UBXN2B: variants seen among roughly 807,000 people sequenced by gnomAD.
The protein encoded by UBXN2B is UBX domain-containing protein 2B.
UBXN2B carries 19 observed loss-of-function variants against 37.5 expected under a neutral mutation model. The ratio of observed to expected loss-of-function variants is 0.51; its 90% confidence interval spans 0.35 to 0.74. The LOEUF is 0.74. UBXN2B is among the 30% of genes least tolerant of loss of function. The pLI is 0.01. For synonymous variants in UBXN2B, 145 were observed against 143.8 expected (o/e 1.01, Z -0.06); for missense variants, 370 against 393.2 (o/e 0.94, Z 0.50).
chr8:58,437,603 G>A (rs1002447747), intron 5 of UBXN2B, among the ~76,000 whole-genome samples: 7 of 151,972 alleles, frequency 4.6e-5, no homozygotes, highest in Admixed American at 1.3e-4. Context: ...GATTACAGGC[G>A]TAAGCCACCA....
In UBXN2B at chr8:58,425,791, A is replaced by G; in HGVS notation, c.189-4728A>G. 6 of 1,177,652 alleles carry G rather than the reference A, an allele frequency of 5.1e-6. No homozygotes were observed. The South Asian group carries it at 7.3e-5, about 14-fold the overall frequency. The allele number at this position is 1,177,652 out of a possible 1,614,324, so 73.0% of individuals were successfully genotyped here. A position where few individuals can be genotyped will look rare whatever the true frequency, so the allele number is the denominator to read the frequency against. On this transcript the variant is annotated intron_variant, in intron 2 of 7. Coordinates refer to ENST00000399598, the MANE Select transcript of UBXN2B (RefSeq NM_001077619.2). ...GATTCTTCTTGTAATGTTCCACAAGATCTGTCAAAGAATCATACCGTTCTC... is the reference window on the plus strand; with the variant it reads ...GATTCTTCTTGTAATGTTCCACAAGGTCTGTCAAAGAATCATACCGTTCTC...
rs1585623958 is a variant in UBXN2B, at chr8:58,448,453, C to T, written c.*902C>T. On this transcript the variant is annotated 3_prime_UTR_variant, in exon 8 of 8. Transcript: ENST00000399598. The stretch of plus-strand genomic sequence containing the variant: ...CCTCCCAAAGTGCTGGGATTACAGG[C>T]ATGAGCCACCACGCCCAGCCTAAAG... 2 of 152,226 alleles carry T rather than the reference C, an allele frequency of 1.3e-5. No homozygotes were observed. Among genetic ancestry groups the T allele is most frequent in the South Asian group, 4.1e-4 (2 of 4,830 alleles). 9.4% of individuals were successfully genotyped at this position (152,226 alleles called of 1,614,324 possible). A position where few individuals can be genotyped will look rare whatever the true frequency, so the allele number is the denominator to read the frequency against.
At chr8:58,441,348 C>CATATATATATATATATATATGTATGTGT in intron 6 of UBXN2B, among the ~76,000 whole-genome samples, 1 of 104,662 alleles carries the variant, frequency 9.6e-6, no homozygotes, top group Non-Finnish European at 2.0e-5. Context: ...TTGTGATCAA[C>CATATATATATATATATATATGTATGTGT]ATATATATAT....
At chr8:58,434,565 C>T in intron 5 of UBXN2B, 61 bp downstream of exon 5, 1 of 1,220,214 alleles carries the variant, frequency 8.2e-7, no homozygotes, top group Non-Finnish European at 1.1e-6. Context: ...TCTTAACAGA[C>T]TACTCATTAT....
At chr8:58,435,636 CAAAG>C (rs993808780) in intron 5 of UBXN2B, among the ~76,000 whole-genome samples, 146 of 152,128 alleles carry the variant, frequency 9.6e-4, no homozygotes, top group African/African-American at 3.0e-3. Flanking sequence ...ATAGTGGAAA[CAAAG>C]AACATATTGA....
rs556640968 is a variant in UBXN2B at position 58,443,739 on chromosome 8, C to CAG, written c.672-2165_672-2164dup. Among the ~76,000 whole-genome samples the CAG allele has an allele frequency of 6.6e-5, 10 of 152,078 alleles. No individual in the cohort carries two copies. The East Asian group carries it at 1.5e-3, about 23-fold the overall frequency. ...AGGAGAATCACTTGAACTCAGGAGG[C>CAG]AGAGGTTGCAGTGAGCTGAGATCAC... is the stretch of plus-strand genomic sequence containing the variant. On this transcript the variant is annotated intron_variant, in intron 6 of 7. Transcript: ENST00000399598.
chr8:58,418,622 AT>A (rs1242338975), intron 2 of UBXN2B, among the ~76,000 whole-genome samples: 1 of 152,188 alleles, frequency 6.6e-6, no homozygotes, highest in Non-Finnish European at 1.5e-5. Context: ...AGGAGTCATA[AT>A]TTCAGGATTT....
chr8:58,420,004 T>G (rs1183631264), intron 2 of UBXN2B, among the ~76,000 whole-genome samples: 1 of 152,238 alleles, frequency 6.6e-6, no homozygotes, highest in African/African-American at 2.4e-5. Flanking sequence ...ATGTAGCCAG[T>G]TGCGGATACA....
rs1808774733 is a variant in UBXN2B, at chr8:58,450,277, TA to T, written c.*2728del. ...ATCTACCTCTTTCCACATTTTACTA[TA>T]ATCAGCAAGAAGACAGCAGGCTGTA... On this transcript the variant is annotated 3_prime_UTR_variant, in exon 8 of 8. Coordinates refer to ENST00000399598, the MANE Select transcript of UBXN2B (RefSeq NM_001077619.2). The T allele has an allele frequency of 6.6e-6, 1 of 152,180 alleles. No individual in the cohort carries two copies. The highest frequency in any genetic ancestry group is 6.5e-5 in the Admixed American group (1 of 15,274). 9.4% of individuals were successfully genotyped at this position (152,180 alleles called of 1,614,324 possible).
At chr8:58,419,865 A>G (rs768013007) in intron 2 of UBXN2B, among the ~76,000 whole-genome samples, 3 of 152,240 alleles carry the variant, frequency 2.0e-5, no homozygotes, top group Admixed American at 6.5e-5. Context: ...GACCTGTGCT[A>G]TTGCACAAGG....
chr8:58,436,182 G>A (rs1197806065), intron 5 of UBXN2B, among the ~76,000 whole-genome samples: 2 of 152,188 alleles, frequency 1.3e-5, no homozygotes, highest in African/African-American at 4.8e-5. Context: ...GAGGTTGTCA[G>A]CTTAATTACT....
chr8:58,433,405 A>T (rs1808333251), intron 4 of UBXN2B, among the ~76,000 whole-genome samples, 162 bp downstream of exon 4: 1 of 152,178 alleles, frequency 6.6e-6, no homozygotes, highest in Admixed American at 6.5e-5. Context: ...CTCGATCTTT[A>T]TGTTTTGTAT....
At chr8:58,446,757 C>G (rs778158646) in intron 7 of UBXN2B, among the ~76,000 whole-genome samples, 7 of 112,738 alleles carry the variant, frequency 6.2e-5, no homozygotes, top group Non-Finnish European at 1.2e-4. Context: ...ACATTTTATA[C>G]TCCGAAAAAA....
chr8:58,423,543 C>G (rs1306472212), intron 2 of UBXN2B, among the ~76,000 whole-genome samples: 1 of 151,390 alleles, frequency 6.6e-6, no homozygotes, highest in East Asian at 1.9e-4. Context: ...TCACACCGTT[C>G]TCCTGCCTCA....
chr8:58,423,800 C>T (rs1380009202), intron 2 of UBXN2B, among the ~76,000 whole-genome samples: 1 of 151,696 alleles, frequency 6.6e-6, no homozygotes, highest in Non-Finnish European at 1.5e-5. Context: ...CATTTGACAA[C>T]CAAAAACACT....
In UBXN2B at chr8:58,446,466, T is replaced by C. The variant is rs535115787; in HGVS notation, c.833+398T>C. Among the ~76,000 whole-genome samples, 6 of 152,336 alleles carry C rather than the reference T, an allele frequency of 3.9e-5. No individual in the cohort carries two copies. In the South Asian group the frequency reaches 1.0e-3, roughly 26 times the overall value. On this transcript the variant is annotated intron_variant, in intron 7 of 7. Transcript: ENST00000399598. ...GATTAATTTTCTGTATAGCAAATAC[T>C]TCATAATATAAATGTGTATTGTAAA...
chr8:58,430,625 C>T lies in UBXN2B; in HGVS notation c.295C>T (p.Pro99Ser). 6 of 1,594,436 alleles carry T rather than the reference C, an allele frequency of 3.8e-6. No individual in the cohort carries two copies. The highest frequency in any genetic ancestry group is 5.1e-6 in the Non-Finnish European group (6 of 1,169,368). ...AGAGGCAAGGGAACATGGGGCTGTC[C>T]CTCTGAATGAAGCCACAAGAGCTTC... ...FKEAREHGAV[P>S]LNEATRASGD... The change falls in exon 3 of 8, where the codon CCT (proline) becomes TCT (serine). Residue 99 changes from proline (P) to serine (S), a missense_variant. Coordinates refer to ENST00000399598, the MANE Select transcript of UBXN2B (RefSeq NM_001077619.2).
chr8:58,441,509 T>C (rs1427515491), intron 6 of UBXN2B, among the ~76,000 whole-genome samples: 1 of 152,022 alleles, frequency 6.6e-6, no homozygotes, highest in African/African-American at 2.4e-5. Flanking sequence ...AGTCATCTCT[T>C]CAATATATAC....
chr8:58,425,876 T>A lies in UBXN2B; in HGVS notation c.189-4643T>A, dbSNP rs149807720. ...AATCATAACATGGGCCACTTTAGACTTGCCGTTATTGTTCTCCCCTTTGTC... is the reference window on the plus strand; with the variant it reads ...AATCATAACATGGGCCACTTTAGACATGCCGTTATTGTTCTCCCCTTTGTC... On this transcript the variant is annotated intron_variant, in intron 2 of 7. Coordinates refer to ENST00000399598, the MANE Select transcript of UBXN2B (RefSeq NM_001077619.2). 7.5e-4 allele frequency: 866 copies of A among 1,157,732 alleles called. 6 individuals carry two copies. In the African/African-American group the frequency reaches 0.011, roughly 15 times the overall value. The allele number at this position is 1,157,732 out of a possible 1,614,324, so 71.7% of individuals were successfully genotyped here. A position where few individuals can be genotyped will look rare whatever the true frequency, so the allele number is the denominator to read the frequency against.
Sources: gnomAD v4.1 joint callset for allele counts (sites outside exome capture counted in the v4.1 genomes callset) on GRCh38, gnomAD v4.1.1 for gene constraint, MANE v1.5 for transcripts, NCBI Gene and HGNC (gene_info 2026-07-23, HGNC 2026-07-21) for gene names.